Variants in OR3A2 observed in about 807,000 individuals in gnomAD.
The protein encoded by OR3A2 is olfactory receptor family 3 subfamily A member 2.
For missense variants in OR3A2, 318 were observed against 392.8 expected, an observed-to-expected ratio of 0.81 and a Z score of 1.61; for synonymous variants, 126 against 159.3, an observed-to-expected ratio of 0.79 and a Z score of 1.57.
At chr17:3,371,841 T>A (rs1192410760) in intron 2 of OR3A2, among the ~76,000 whole-genome samples, 3 of 112,216 alleles carry the variant, frequency 2.7e-5, no homozygotes, top group African/African-American at 7.7e-5. Context: ...CCCCACCACC[T>A]CCCGCCCGGA....
At chr17:3,348,412 C>T (rs1260950703) in intron 2 of OR3A2, among the ~76,000 whole-genome samples, 5 of 151,832 alleles carry the variant, frequency 3.3e-5, no homozygotes, top group Non-Finnish European at 7.4e-5. Context: ...ATGCGATCAA[C>T]TGGAAGAAAG....
chr17:3,349,284 C>A (rs1331756272), intron 2 of OR3A2, among the ~76,000 whole-genome samples: 1 of 152,130 alleles, frequency 6.6e-6, no homozygotes, highest in East Asian at 1.9e-4. Flanking sequence ...ATTCAGGAAA[C>A]CCATCTCACG....
intron 2 of OR3A2, among the ~76,000 whole-genome samples, chr17:3,361,949 T>A (rs1280785100): frequency 2.0e-5 from 3 of 151,676 alleles, no homozygotes; most frequent in Non-Finnish European, 2.9e-5. Context: ...TTAGGGTGGA[T>A]TCCCTCTTTT....
At chr17:3,383,968 AATATTTATT>A (rs1199283300) in intron 1 of OR3A2, 1 of 45,760 alleles carries the variant, frequency 2.2e-5, no homozygotes, top group Non-Finnish European at 3.6e-5. Context: ...ATTGTATACA[AATATTTATT>A]GAATAAATAT....
intron 2 of OR3A2, among the ~76,000 whole-genome samples, chr17:3,339,568 G>T (rs377363485): frequency 2.6e-5 from 4 of 152,186 alleles, no homozygotes; most frequent in African/African-American, 2.4e-5. Flanking sequence ...TTATGTGATG[G>T]ATTACATTTA....
intron 2 of OR3A2, among the ~76,000 whole-genome samples, chr17:3,338,908 G>A (rs979391796): frequency 6.6e-6 from 1 of 152,204 alleles, no homozygotes; most frequent in Non-Finnish European, 1.5e-5. Context: ...AGCATGGAAT[G>A]TTCTTCCATT....
At chr17:3,309,681 C>G (rs957901367) in intron 3 of OR3A2, among the ~76,000 whole-genome samples, 3 of 152,166 alleles carry the variant, frequency 2.0e-5, no homozygotes, top group Admixed American at 1.3e-4. Flanking sequence ...AGCTATGGAG[C>G]TGGAAATGTC....
intron 2 of OR3A2, among the ~76,000 whole-genome samples, chr17:3,366,258 C>T (rs1029113128): frequency 3.9e-5 from 6 of 152,160 alleles, no homozygotes; most frequent in African/African-American, 1.4e-4. Context: ...TACTGATATT[C>T]TCATTTTCAT....
intron 3 of OR3A2, among the ~76,000 whole-genome samples, chr17:3,313,027 G>A (rs1259747071): frequency 6.6e-6 from 1 of 152,122 alleles, no homozygotes; most frequent in East Asian, 1.9e-4. Flanking sequence ...GATAAGAAGG[G>A]GAAACTAGAG....
chr17:3,310,995 C>T (rs746055392), intron 3 of OR3A2: 1 of 551,360 alleles, frequency 1.8e-6, no homozygotes, highest in Admixed American at 1.9e-5. Flanking sequence ...AGCTGCAGTC[C>T]TGCGAATCCG....
exon 2 of OR3A2, chr17:3,277,745 C>T (rs2048748123): frequency 6.0e-6 from 3 of 499,128 alleles, no homozygotes; most frequent in South Asian, 7.3e-5. Context: ...TCCATTTTGT[C>T]CACCAATGCC....
chr17:3,285,254 A>G (rs542993613), upstream of OR3A2, among the ~76,000 whole-genome samples: 78 of 152,222 alleles, frequency 5.1e-4, no homozygotes, highest in African/African-American at 1.9e-3. Flanking sequence ...CCTAAGAGAG[A>G]GGGCTCCTTC....
chr17:3,305,865 G>A (rs943159993), intron 3 of OR3A2, among the ~76,000 whole-genome samples: 7 of 152,190 alleles, frequency 4.6e-5, no homozygotes, highest in African/African-American at 7.2e-5. Flanking sequence ...TATTTGGTTC[G>A]TGCCTTCCTT....
intron 3 of OR3A2, among the ~76,000 whole-genome samples, chr17:3,293,412 A>G (rs1367380871): frequency 6.6e-6 from 1 of 152,194 alleles, no homozygotes; most frequent in Non-Finnish European, 1.5e-5. Flanking sequence ...TTCATTACAC[A>G]CAAATAAAAG....
At chr17:3,278,101 T>G (rs1366586222) in exon 2 of OR3A2, 1 of 1,614,252 alleles carries the variant, frequency 6.2e-7, no homozygotes, top group South Asian at 1.1e-5. Context: ...CCTTTATCCT[T>G]GTCTGAAGCC....
intron 3 of OR3A2, among the ~76,000 whole-genome samples, chr17:3,325,894 G>C (rs1372849708): frequency 6.6e-6 from 1 of 152,038 alleles, no homozygotes; most frequent in Non-Finnish European, 1.5e-5. Flanking sequence ...CCATCACCTA[G>C]GTATTAAGCC....
intron 2 of OR3A2, among the ~76,000 whole-genome samples, chr17:3,341,517 T>C (rs2150647778): frequency 6.6e-6 from 1 of 152,338 alleles, no homozygotes; most frequent in South Asian, 2.1e-4. Flanking sequence ...TCTCCTTCAC[T>C]TATGAAGCTT....
chr17:3,328,902 T>G (rs1320170237), intron 3 of OR3A2, among the ~76,000 whole-genome samples: 1 of 150,772 alleles, frequency 6.6e-6, no homozygotes, highest in Non-Finnish European at 1.5e-5. Flanking sequence ...CCTAATTTAT[T>G]GAGAGTTTTT....
chr17:3,329,495 G>T (rs976954931), intron 3 of OR3A2, among the ~76,000 whole-genome samples: 2 of 138,744 alleles, frequency 1.4e-5, no homozygotes, highest in African/African-American at 5.4e-5. Flanking sequence ...TAGTTTATTT[G>T]TGTAGAGGTG....
Sources: gnomAD v4.1 joint callset for allele counts (sites outside exome capture counted in the v4.1 genomes callset) on GRCh38, gnomAD v4.1.1 for gene constraint, MANE v1.5 for transcripts, NCBI Gene and HGNC (gene_info 2026-07-23, HGNC 2026-07-21) for gene names.